Variants in CAMK1D observed in about 807,000 individuals in gnomAD.
CAMK1D encodes calcium/calmodulin dependent protein kinase ID.
In CAMK1D, 9 loss-of-function variants were observed where a neutral mutation model predicts 47.7. The observed-to-expected ratio is 0.19, with a 90% confidence interval of 0.11 to 0.33. The LOEUF (loss-of-function observed/expected upper bound fraction) is 0.33. Among genes scored for constraint, CAMK1D ranks in the 10% least tolerant of loss-of-function variants. The pLI, the probability that CAMK1D is intolerant of heterozygous loss-of-function variation, is 1.00. For missense variants in CAMK1D, 291 were observed against 488.7 expected (o/e 0.60, Z 3.81); for synonymous variants, 184 against 184.9 (o/e 0.99, Z 0.04).
At chr10:12,479,074 C>T (rs970714182) in intron 1 of CAMK1D, among the ~76,000 whole-genome samples, 20 of 152,220 alleles carry the variant, frequency 1.3e-4, no homozygotes, top group African/African-American at 4.3e-4. Context: ...GAGCCAATGA[C>T]TCTCAAACTT....
chr10:12,400,979 G>A (rs1839156778), intron 1 of CAMK1D, among the ~76,000 whole-genome samples: 1 of 138,346 alleles, frequency 7.2e-6, no homozygotes, highest in East Asian at 2.1e-4. Flanking sequence ...AAACAAAAAA[G>A]GAATGCCTTT....
intron 1 of CAMK1D, among the ~76,000 whole-genome samples, chr10:12,528,736 CT>C (rs34250007): frequency 0.066 from 9,058 of 137,834 alleles, 309 homozygotes; most frequent in Admixed American, 0.13. Context: ...AAATCCTCAT[CT>C]TTTTTTTTTT....
intron 1 of CAMK1D, among the ~76,000 whole-genome samples, chr10:12,412,308 G>A (rs929099817): frequency 1.3e-5 from 2 of 151,886 alleles, no homozygotes; most frequent in Admixed American, 6.6e-5. Flanking sequence ...TCTTTACAGC[G>A]ACTAGAAAGA....
intron 2 of CAMK1D, among the ~76,000 whole-genome samples, chr10:12,563,030 T>G (rs1481563315): frequency 1.3e-5 from 2 of 152,180 alleles, no homozygotes; most frequent in Admixed American, 1.3e-4. Flanking sequence ...CACAAAAAGA[T>G]TTATTATGAG....
intron 2 of CAMK1D, among the ~76,000 whole-genome samples, chr10:12,655,196 A>C (rs1840084978): frequency 6.6e-6 from 1 of 152,142 alleles, no homozygotes; most frequent in Non-Finnish European, 1.5e-5. Context: ...CAGGAAACTT[A>C]CACTCATGAT....
chr10:12,741,070 C>T (rs544564121), intron 3 of CAMK1D, among the ~76,000 whole-genome samples: 2 of 152,170 alleles, frequency 1.3e-5, no homozygotes, highest in African/African-American at 4.8e-5. Flanking sequence ...CTCAAATTCT[C>T]CTCTATCTGT....
At chr10:12,749,388 G>T (rs987592795) in intron 3 of CAMK1D, among the ~76,000 whole-genome samples, 1 of 144,742 alleles carries the variant, frequency 6.9e-6, no homozygotes, top group Admixed American at 7.2e-5. Flanking sequence ...GTCACGTCGT[G>T]TGTTATTTTC....
intron 2 of CAMK1D, among the ~76,000 whole-genome samples, chr10:12,560,914 T>G (rs950028687): frequency 7.3e-5 from 10 of 136,304 alleles, no homozygotes; most frequent in Admixed American, 5.2e-4. Flanking sequence ...ATTTCTTTCT[T>G]TCTTTCTTTT....
chr10:12,607,928 T>G (rs1430235947), intron 2 of CAMK1D, among the ~76,000 whole-genome samples: 1 of 152,042 alleles, frequency 6.6e-6, no homozygotes, highest in Non-Finnish European at 1.5e-5. Context: ...ATTACTGCGC[T>G]CCAGCCTAGG....
Position 12,361,545 on chromosome 10 carries a change from CTTTTTTTTTTTTTTTT to C in CAMK1D, c.92+11644_92+11659del, listed in dbSNP as rs36015215. Among the ~76,000 whole-genome samples the C allele has an allele frequency of 1.9e-4, 12 of 63,090 alleles. 1 individual carries two copies. In the East Asian group the frequency reaches 6.5e-3, roughly 34 times the overall value. 41.4% of individuals were successfully genotyped at this position (63,090 alleles called of 152,430 possible). A position where few individuals can be genotyped will look rare whatever the true frequency, so the allele number is the denominator to read the frequency against. Reference sequence around the variant, plus strand: ...CAGGCATGAGCCACTGTGCCTGGCCCTTTTTTTTTTTTTTTTTTTTTTTTAATTGAGATGGAGTCTC... The same window carrying C: ...CAGGCATGAGCCACTGTGCCTGGCCCTTTTTTTTAATTGAGATGGAGTCTC... On this transcript the variant is annotated intron_variant, in intron 1 of 10. Transcript: ENST00000619168.
chr10:12,830,204 A>G lies in CAMK1D; in HGVS notation c.*1317A>G, dbSNP rs1833394069. ...ATCTCTTTCTCTGTGGTTTTTAAAA[A>G]AATGCATTTCTAATCTTACACTTCA... On this transcript the variant is annotated 3_prime_UTR_variant, in exon 11 of 11. Coordinates refer to ENST00000619168, the MANE Select transcript of CAMK1D (RefSeq NM_153498.4). 1 of 152,224 alleles carries G rather than the reference A, an allele frequency of 6.6e-6. No individual in the cohort carries two copies. Among genetic ancestry groups the G allele is most frequent in the Admixed American group, 6.5e-5 (1 of 15,276 alleles). 9.4% of individuals were successfully genotyped at this position (152,224 alleles called of 1,614,324 possible). A position where few individuals can be genotyped will look rare whatever the true frequency, so the allele number is the denominator to read the frequency against.
At chr10:12,492,103 C>G (rs1437454650) in intron 1 of CAMK1D, among the ~76,000 whole-genome samples, 1 of 150,008 alleles carries the variant, frequency 6.7e-6, no homozygotes, top group Non-Finnish European at 1.5e-5. Context: ...GCATTTCTGA[C>G]TGGAGGCTTA....
intron 4 of CAMK1D, among the ~76,000 whole-genome samples, chr10:12,762,876 G>T (rs551144113): frequency 6.6e-6 from 1 of 152,320 alleles, no homozygotes; most frequent in Admixed American, 6.5e-5. Flanking sequence ...ACAAATGCCA[G>T]TTCTGTGCTT....
intron 1 of CAMK1D, among the ~76,000 whole-genome samples, chr10:12,533,792 A>C (rs1835881575): frequency 6.6e-6 from 1 of 152,216 alleles, no homozygotes; most frequent in Non-Finnish European, 1.5e-5. Context: ...TAATTTTAAA[A>C]ATAGGGTCTG....
chr10:12,701,560 T>C (rs113992199), intron 3 of CAMK1D, among the ~76,000 whole-genome samples: 2,532 of 152,254 alleles, frequency 0.017, 52 homozygotes, highest in African/African-American at 0.057. Context: ...TCGATTTTGT[T>C]TAAGGCAGTG....
chr10:12,719,718 C>G (rs11257958), intron 3 of CAMK1D, among the ~76,000 whole-genome samples: 2,049 of 152,336 alleles, frequency 0.013, 47 homozygotes, highest in African/African-American at 0.047. Context: ...CCCTGCCACT[C>G]TTACTCCTCC....
chr10:12,592,688 G>A lies in CAMK1D; in HGVS notation c.224+39332G>A, dbSNP rs141890608. ...TTGGTATAAAAGAATTAATGTATCT[G>A]AAGTGCTCCAAACACAGCCTGGTCC... On this transcript the variant is annotated intron_variant, in intron 2 of 10. Coordinates refer to ENST00000619168, the MANE Select transcript of CAMK1D (RefSeq NM_153498.4). Among the ~76,000 whole-genome samples the A allele has an allele frequency of 1.9e-4, 29 of 152,308 alleles. No individual in the cohort carries two copies. The East Asian group carries it at 4.4e-3, about 23-fold the overall frequency.
chr10:12,814,398 G>A, intron 7 of CAMK1D, 91 bp downstream of exon 7: 2 of 779,382 alleles, frequency 2.6e-6, no homozygotes. Flanking sequence ...GGACCCTGGG[G>A]GGCTCAGAAC....
chr10:12,649,844 A>C (rs530940705), intron 2 of CAMK1D, among the ~76,000 whole-genome samples: 75 of 152,330 alleles, frequency 4.9e-4, no homozygotes, highest in African/African-American at 1.8e-3. Context: ...ACAAAAATGT[A>C]TATCAACTTT....
Sources: gnomAD v4.1 joint callset for allele counts (sites outside exome capture counted in the v4.1 genomes callset) on GRCh38, gnomAD v4.1.1 for gene constraint, MANE v1.5 for transcripts, NCBI Gene and HGNC (gene_info 2026-07-23, HGNC 2026-07-21) for gene names.